Variants in CSNK2A2 observed in about 807,000 individuals in gnomAD.
CSNK2A2 encodes casein kinase II subunit alpha'.
A neutral mutation model predicts 54.0 loss-of-function variants in CSNK2A2; 8 were observed. The observed-to-expected ratio is 0.15, with a 90% CI of 0.09 to 0.27. The LOEUF (loss-of-function observed/expected upper bound fraction) is 0.27. Among genes scored for constraint, CSNK2A2 ranks in the 10% least tolerant of loss-of-function variants. The probability of loss-of-function intolerance (pLI) is 1.00; values close to 1 mark genes in which losing one functional copy is unlikely to be tolerated. For synonymous variants in CSNK2A2, 141 were observed against 153.9 expected (o/e 0.92, Z 0.62); for missense variants, 242 against 439.4 (o/e 0.55, Z 4.02).
intron 5 of CSNK2A2, among the ~76,000 whole-genome samples, chr16:58,169,178 G>A (rs989929912): frequency 4.6e-5 from 7 of 151,910 alleles, no homozygotes; most frequent in African/African-American, 1.4e-4. Context: ...CGCCAGCCTC[G>A]GCCTCCCAAG....
In CSNK2A2 at chr16:58,197,826, G is replaced by A. The variant is rs1962513068; in HGVS notation, c.-90C>T. The A allele has an allele frequency of 4.3e-6, 1 of 232,320 alleles. No individual in the cohort carries two copies. The highest frequency in any genetic ancestry group is 6.9e-6 in the Non-Finnish European group (1 of 145,268). 14.4% of individuals were successfully genotyped at this position (232,320 alleles called of 1,614,324 possible). A position where few individuals can be genotyped will look rare whatever the true frequency, so the allele number is the denominator to read the frequency against. ...CGGGGCGTCGGGCGGAGGAGGCAGCGGGCCGCCGGGCGCTGGAGGAGGAGG... is the reference window on the plus strand; with the variant it reads ...CGGGGCGTCGGGCGGAGGAGGCAGCAGGCCGCCGGGCGCTGGAGGAGGAGG... On this transcript the variant is annotated 5_prime_UTR_variant, in exon 1 of 12. Coordinates refer to ENST00000262506, the MANE Select transcript of CSNK2A2 (RefSeq NM_001896.4). The surrounding 1 kb of genome is among the most constrained non-coding windows in gnomAD (Gnocchi z 4.0).
chr16:58,170,715 T>A (rs1191920271), intron 5 of CSNK2A2, among the ~76,000 whole-genome samples: 1 of 152,116 alleles, frequency 6.6e-6, no homozygotes, highest in Admixed American at 6.6e-5. Flanking sequence ...TGATTTTTAT[T>A]TCCATAATGA....
chr16:58,162,545 T>C (rs1961414365), intron 11 of CSNK2A2: 1 of 152,198 alleles, frequency 6.6e-6, no homozygotes, highest in Non-Finnish European at 1.5e-5. Context: ...TAAGATTTTA[T>C]TGGAATATGG....
At chr16:58,187,470 T>C (rs1438940019) in intron 2 of CSNK2A2, among the ~76,000 whole-genome samples, 1 of 152,204 alleles carries the variant, frequency 6.6e-6, no homozygotes, top group African/African-American at 2.4e-5. Context: ...AAAGGAGAAA[T>C]CAATCTGATA....
intron 10 of CSNK2A2, 148 bp from the exon 11 acceptor site, chr16:58,164,295 A>AT (rs1455136726): frequency 6.6e-6 from 4 of 608,108 alleles, no homozygotes; most frequent in Non-Finnish European, 1.1e-5. Flanking sequence ...AAATCACGGA[A>AT]TTCCAGCCAT....
intron 2 of CSNK2A2, among the ~76,000 whole-genome samples, chr16:58,191,864 C>A (rs1962329170): frequency 1.3e-5 from 2 of 152,084 alleles, no homozygotes; most frequent in Non-Finnish European, 2.9e-5. Context: ...GCACATTTAA[C>A]CGTCTTAGAT....
intron 4 of CSNK2A2, among the ~76,000 whole-genome samples, chr16:58,181,025 A>G (rs1333764003): frequency 1.3e-5 from 2 of 152,230 alleles, no homozygotes; most frequent in African/African-American, 4.8e-5. Context: ...CACATCTGCC[A>G]TCTGATATTT....
At chr16:58,176,916 T>C (rs1042054599) in intron 4 of CSNK2A2, among the ~76,000 whole-genome samples, 5 of 152,204 alleles carry the variant, frequency 3.3e-5, no homozygotes, top group Admixed American at 1.3e-4. Context: ...AAGAGTCTCA[T>C]GCCAACATTC....
At chr16:58,174,304 G>A (rs2142424230) in intron 5 of CSNK2A2, 147 bp downstream of exon 5, 1 of 560,158 alleles carries the variant, frequency 1.8e-6, no homozygotes. Context: ...AAGATTCCTC[G>A]ATGGAGGCCT....
chr16:58,163,935 T>C, intron 11 of CSNK2A2, 119 bp downstream of exon 11: 1 of 786,598 alleles, frequency 1.3e-6, no homozygotes, highest in Non-Finnish European at 2.0e-6. Context: ...CTTTTAGGTC[T>C]TTACTCTTCT....
intron 2 of CSNK2A2, among the ~76,000 whole-genome samples, chr16:58,191,358 G>GTTATT (rs567046127): frequency 6.6e-6 from 1 of 152,072 alleles, no homozygotes; most frequent in African/African-American, 2.4e-5. Context: ...TAAATTTTAT[G>GTTATT]TTATTTTATT....
Position 58,197,551 on chromosome 16 carries a change from C to G in CSNK2A2, c.104+82G>C. The stretch of plus-strand genomic sequence containing the variant: ...GCGGAGGGGTCGGCGGGAGACACCA[C>G]CGGGCCCGAGTGCGGTTCGCAGGGG... On this transcript the variant is annotated intron_variant, in intron 1 of 11. Transcript: ENST00000262506. This position sits in a 1 kb window ranked among gnomAD's most constrained non-coding sequence, Gnocchi z 4.0. 1 of 917,898 alleles carries G rather than the reference C, an allele frequency of 1.1e-6. No homozygotes were observed. Among genetic ancestry groups the G allele is most frequent in the Non-Finnish European group, 1.6e-6 (1 of 630,124 alleles). 56.9% of individuals were successfully genotyped at this position (917,898 alleles called of 1,614,324 possible).
At chr16:58,195,239 G>A (rs889205066) in intron 2 of CSNK2A2, among the ~76,000 whole-genome samples, 5 of 151,114 alleles carry the variant, frequency 3.3e-5, no homozygotes, top group African/African-American at 4.8e-5. Context: ...GGGAAGAGAG[G>A]AGTCACACTC....
At chr16:58,171,636 T>C (rs1961738869) in intron 5 of CSNK2A2, among the ~76,000 whole-genome samples, 1 of 152,010 alleles carries the variant, frequency 6.6e-6, no homozygotes, top group Non-Finnish European at 1.5e-5. Flanking sequence ...CTGCAGGATG[T>C]TCACAATATC....
At chr16:58,167,366 T>C (rs746404238) in intron 7 of CSNK2A2, 58 bp from the exon 8 acceptor site, 26 of 1,379,942 alleles carry the variant, frequency 1.9e-5, no homozygotes, top group East Asian at 2.3e-5. Flanking sequence ...TTTTCTGATA[T>C]AAATTTCTTT....
chr16:58,170,075 G>A (rs1961693756), intron 5 of CSNK2A2, among the ~76,000 whole-genome samples: 1 of 152,026 alleles, frequency 6.6e-6, no homozygotes, highest in African/African-American at 2.4e-5. Context: ...ATTATTCCAA[G>A]GGAGAAAATT....
upstream of CSNK2A2, among the ~76,000 whole-genome samples, chr16:58,198,106 G>GGAGGAGGAGGC (rs1419139613): frequency 6.8e-6 from 1 of 146,824 alleles, no homozygotes; most frequent in Non-Finnish European, 1.5e-5. Flanking sequence ...AAGGAGGAGA[G>GGAGGAGGAGGC]GAGGAGGAGG....
chr16:58,193,993 T>C (rs116558538), intron 2 of CSNK2A2, among the ~76,000 whole-genome samples: 1,831 of 152,298 alleles, frequency 0.012, 45 homozygotes, highest in African/African-American at 0.042. Flanking sequence ...GGAAATCCAC[T>C]AATGCAAATT....
At chr16:58,164,758 G>A (rs746788498) in intron 10 of CSNK2A2, among the ~76,000 whole-genome samples, 4 of 152,062 alleles carry the variant, frequency 2.6e-5, no homozygotes, top group Non-Finnish European at 4.4e-5. Context: ...TTCCATTTGC[G>A]GTCTCCCTTA....
Sources: allele counts gnomAD v4.1 joint callset (sites outside exome capture counted in the v4.1 genomes callset), GRCh38; gene constraint gnomAD v4.1.1; non-coding constraint Gnocchi (gnomAD v3.1); transcripts MANE v1.5; gene names NCBI Gene and HGNC (gene_info 2026-07-23, HGNC 2026-07-21).